GPR158: variants seen among roughly 807,000 people sequenced by gnomAD.
The protein encoded by GPR158 is G protein-coupled receptor 158, also known as metabotropic glycine receptor.
In GPR158, 30 loss-of-function variants were observed where a neutral mutation model predicts 78.2. The ratio of observed to expected loss-of-function variants is 0.38; its 90% confidence interval spans 0.29 to 0.52. The LOEUF (loss-of-function observed/expected upper bound fraction) is 0.52, where lower values mean the gene tolerates loss of function less well. GPR158 is among the 20% of genes least tolerant of loss of function. GPR158 has a pLI of 0.83. For synonymous variants in GPR158, 581 were observed against 591.1 expected (o/e 0.98, Z 0.25); for missense variants, 1,463 against 1,523.5 (o/e 0.96, Z 0.66).
At chr10:25,523,539 G>T (rs1380794428) in intron 5 of GPR158, among the ~76,000 whole-genome samples, 1 of 152,164 alleles carries the variant, frequency 6.6e-6, no homozygotes, top group African/African-American at 2.4e-5. Flanking sequence ...TGAAAAATCA[G>T]ACATAGGTTT....
chr10:25,197,360 T>C (rs574876318), intron 1 of GPR158, among the ~76,000 whole-genome samples: 46 of 152,278 alleles, frequency 3.0e-4, no homozygotes, highest in African/African-American at 9.9e-4. Context: ...GTATCAGTCA[T>C]ATACAGTTTC....
At chr10:25,488,201 AT>A (rs1276595185) in intron 5 of GPR158, among the ~76,000 whole-genome samples, 1 of 152,084 alleles carries the variant, frequency 6.6e-6, no homozygotes. Flanking sequence ...ATCTTTATCC[AT>A]TGAAGAGGCA....
intron 2 of GPR158, among the ~76,000 whole-genome samples, chr10:25,387,733 C>T (rs1208613181): frequency 6.6e-6 from 1 of 152,104 alleles, no homozygotes; most frequent in Non-Finnish European, 1.5e-5. Context: ...CTAGGATGGT[C>T]TCGATCTCCT....
chr10:25,562,359 T>C (rs11014608), intron 6 of GPR158, among the ~76,000 whole-genome samples: 11,216 of 152,184 alleles, frequency 0.074, 925 homozygotes, highest in East Asian at 0.48. Context: ...AAATTTTCTC[T>C]TCGATTTTTA....
At chr10:25,305,616 G>A (rs972316031) in intron 2 of GPR158, among the ~76,000 whole-genome samples, 13 of 152,258 alleles carry the variant, frequency 8.5e-5, no homozygotes, top group Non-Finnish European at 1.6e-4. Context: ...AAAAAAAGAA[G>A]GAGAGAGAGG....
At chr10:25,184,709 A>G (rs1355240656) in intron 1 of GPR158, among the ~76,000 whole-genome samples, 3 of 152,256 alleles carry the variant, frequency 2.0e-5, no homozygotes, top group African/African-American at 4.8e-5. Context: ...CTGAGGACTA[A>G]TAATAGAAGG....
intron 4 of GPR158, among the ~76,000 whole-genome samples, chr10:25,443,079 C>A (rs1835089681): frequency 7.0e-6 from 1 of 143,758 alleles, no homozygotes; most frequent in African/African-American, 2.8e-5. Context: ...GACTTCTCTC[C>A]CCACCCCACT....
chr10:25,314,627 G>T (rs1588793611), intron 2 of GPR158, among the ~76,000 whole-genome samples: 2 of 147,104 alleles, frequency 1.4e-5, no homozygotes. Context: ...CCTTCACTTT[G>T]TTTCTTGTGA....
rs1010443283 is a variant in GPR158 at position 25,233,789 on chromosome 10, C to G, written c.1008+12632C>G. Among the ~76,000 whole-genome samples, 76 of 152,012 alleles carry G rather than the reference C, an allele frequency of 5.0e-4. 1 individual carries two copies. The highest frequency in any genetic ancestry group is 1.8e-3 in the African/African-American group (73 of 41,380). Reference sequence around the variant, plus strand: ...CTCTTATGAGTATCCCGAGGTTATACAAGATGTGATATAGAAACAGATTAA... The same window carrying G: ...CTCTTATGAGTATCCCGAGGTTATAGAAGATGTGATATAGAAACAGATTAA... On this transcript the variant is annotated intron_variant, in intron 2 of 10. Coordinates refer to ENST00000376351, the MANE Select transcript of GPR158 (RefSeq NM_020752.3).
At chr10:25,303,652 C>T (rs1205867447) in intron 2 of GPR158, among the ~76,000 whole-genome samples, 1 of 152,086 alleles carries the variant, frequency 6.6e-6, no homozygotes, top group African/African-American at 2.4e-5. Flanking sequence ...AAAATAAATT[C>T]GATGATAACC....
At chr10:25,392,420 TG>T (rs1323839601) in intron 2 of GPR158, among the ~76,000 whole-genome samples, 1 of 152,218 alleles carries the variant, frequency 6.6e-6, no homozygotes, top group Non-Finnish European at 1.5e-5. Context: ...GTGGGCATAA[TG>T]TGCCTAGCAG....
intron 6 of GPR158, among the ~76,000 whole-genome samples, chr10:25,568,784 T>A (rs978467353): frequency 1.3e-5 from 2 of 152,222 alleles, no homozygotes; most frequent in Non-Finnish European, 2.9e-5. Flanking sequence ...CCTTTTCATA[T>A]GAAATTTTGG....
chr10:25,273,961 A>G (rs1219888140), intron 2 of GPR158, among the ~76,000 whole-genome samples: 1 of 152,146 alleles, frequency 6.6e-6, no homozygotes, highest in Non-Finnish European at 1.5e-5. Context: ...TACAGGCATG[A>G]GCCACCGTGC....
At chr10:25,513,470 A>G (rs532536602) in intron 5 of GPR158, among the ~76,000 whole-genome samples, 5 of 150,294 alleles carry the variant, frequency 3.3e-5, no homozygotes, top group African/African-American at 1.2e-4. Context: ...CTTTTCAAAG[A>G]ACTAGTTTTT....
At chr10:25,246,878 G>T (rs1322022978) in intron 2 of GPR158, among the ~76,000 whole-genome samples, 1 of 152,146 alleles carries the variant, frequency 6.6e-6, no homozygotes, top group Non-Finnish European at 1.5e-5. Context: ...TTCAGGATGG[G>T]CACTCCAGTC....
rs188540212 is a variant in GPR158 at position 25,508,075 on chromosome 10, T to G, written c.1404+41356T>G. ...ATATCAGTCAAGGGACGGTAGTTGGTGTTTTTGTGTGTGTTTGGTTTCCAA... is the reference window on the plus strand; with the variant it reads ...ATATCAGTCAAGGGACGGTAGTTGGGGTTTTTGTGTGTGTTTGGTTTCCAA... On this transcript the variant is annotated intron_variant, in intron 5 of 10. Transcript: ENST00000376351. Among the ~76,000 whole-genome samples the G allele has an allele frequency of 9.2e-5, 14 of 152,232 alleles. No homozygotes were observed. In the East Asian group the frequency reaches 2.1e-3, roughly 23 times the overall value.
At chr10:25,491,361 T>C (rs1158881615) in intron 5 of GPR158, among the ~76,000 whole-genome samples, 1 of 152,138 alleles carries the variant, frequency 6.6e-6, no homozygotes, top group African/African-American at 2.4e-5. Context: ...TCCTCTGCTA[T>C]GGTAATTTTG....
intron 1 of GPR158, among the ~76,000 whole-genome samples, chr10:25,180,156 T>C (rs1852595962): frequency 1.3e-5 from 2 of 152,174 alleles, no homozygotes; most frequent in South Asian, 4.1e-4. Flanking sequence ...CATTTTATAG[T>C]TGAGGAAGCT....
intron 2 of GPR158, among the ~76,000 whole-genome samples, chr10:25,362,270 A>G (rs773607348): frequency 2.6e-5 from 4 of 151,982 alleles, no homozygotes; most frequent in Non-Finnish European, 5.9e-5. Context: ...TCATCATTAC[A>G]TGAGGGTTTA....
Sources: gnomAD v4.1 joint callset for allele counts (sites outside exome capture counted in the v4.1 genomes callset) on GRCh38, gnomAD v4.1.1 for gene constraint, MANE v1.5 for transcripts, NCBI Gene and HGNC (gene_info 2026-07-23, HGNC 2026-07-21) for gene names.